FSHR: variants seen among roughly 807,000 people sequenced by gnomAD.
FSHR encodes the protein follicle stimulating hormone receptor.
A neutral mutation model predicts 52.1 loss-of-function variants in FSHR; 46 were observed. The ratio of observed to expected loss-of-function variants is 0.88; its 90% confidence interval spans 0.70 to 1.13. The LOEUF (loss-of-function observed/expected upper bound fraction) is 1.13, where lower values mean the gene tolerates loss of function less well. FSHR is among the 50% of genes most tolerant of loss of function. The pLI, the probability that FSHR is intolerant of heterozygous loss-of-function variation, is 0.00. For missense variants in FSHR, 964 were observed against 834.6 expected (o/e 1.16, Z -1.91); for synonymous variants, 399 against 309.6 (o/e 1.29, Z -3.03).
intron 1 of FSHR, among the ~76,000 whole-genome samples, chr2:49,125,105 T>C (rs140155730): frequency 1.3e-5 from 2 of 152,300 alleles, no homozygotes; most frequent in African/African-American, 2.4e-5. Context: ...CTTTACTCAA[T>C]TGGTTCTTTT....
intron 4 of FSHR, among the ~76,000 whole-genome samples, chr2:49,014,294 C>T (rs1402295546): frequency 6.6e-6 from 1 of 152,122 alleles, no homozygotes; most frequent in African/African-American, 2.4e-5. Context: ...CAATAATCTT[C>T]TCTCAGAAAA....
At chr2:49,105,409 G>C (rs1478633552) in intron 1 of FSHR, among the ~76,000 whole-genome samples, 1 of 152,112 alleles carries the variant, frequency 6.6e-6, no homozygotes, top group Non-Finnish European at 1.5e-5. Context: ...TCAAGGGCAA[G>C]GTGAGGGTTC....
At chr2:49,030,271 A>AGTGTGTGT (rs141079184) in intron 2 of FSHR, among the ~76,000 whole-genome samples, 3,737 of 140,376 alleles carry the variant, frequency 0.027, 67 homozygotes, top group Non-Finnish European at 0.035. Flanking sequence ...AGGAATAGCA[A>AGTGTGTGT]GTGTGTGTGT....
intron 1 of FSHR, among the ~76,000 whole-genome samples, chr2:49,093,396 T>A (rs1276214906): frequency 6.6e-6 from 1 of 152,190 alleles, no homozygotes. Flanking sequence ...CATACACATT[T>A]AAATCATTGT....
intron 4 of FSHR, among the ~76,000 whole-genome samples, chr2:49,006,730 G>C (rs2104166214): frequency 6.6e-6 from 1 of 152,140 alleles, no homozygotes; most frequent in Admixed American, 6.6e-5. Context: ...TATTTCCAGG[G>C]GTTAACGTTT....
chr2:49,035,125 A>G (rs376474098), intron 2 of FSHR, among the ~76,000 whole-genome samples: 2 of 152,184 alleles, frequency 1.3e-5, no homozygotes, highest in Non-Finnish European at 2.9e-5. Context: ...TATACTTTAT[A>G]TAAAGCATTG....
chr2:48,999,382 A>G (rs986777820), intron 4 of FSHR, among the ~76,000 whole-genome samples: 4 of 152,106 alleles, frequency 2.6e-5, no homozygotes, highest in Admixed American at 2.6e-4. Context: ...AAGCACAGCT[A>G]GAGGTTGAAT....
rs564293787 is a variant in FSHR, at chr2:49,060,646, G to A, written c.224+7573C>T. ...CAGCTGCATATTCCAAGGCTGAGCT[G>A]TTATAGTATCCTGCCGCCCAGGCAA... On this transcript the variant is annotated intron_variant, in intron 2 of 9. Transcript: ENST00000406846. 7.2e-5 allele frequency among the ~76,000 whole-genome samples: 11 copies of A among 152,268 alleles called. No individual in the cohort carries two copies. The South Asian group carries it at 1.5e-3, about 20-fold the overall frequency.
At position 48,970,806 on chromosome 2, in the gene FSHR, G is replaced by C. The variant is rs546889250; in HGVS notation, c.669-1923C>G. On this transcript the variant is annotated intron_variant, in intron 8 of 9. Coordinates refer to ENST00000406846, the MANE Select transcript of FSHR (RefSeq NM_000145.4). ...CCTTGTTTTTTCCATCTCAGCAAAT[G>C]ACTCTTCCAGTTTCCCCTGTTTTTC... Among the ~76,000 whole-genome samples the C allele has an allele frequency of 3.6e-4, 55 of 152,206 alleles. No homozygotes were observed. The South Asian group carries it at 0.011, about 30-fold the overall frequency.
At chr2:49,081,472 T>G (rs565020997) in intron 1 of FSHR, among the ~76,000 whole-genome samples, 1 of 152,210 alleles carries the variant, frequency 6.6e-6, no homozygotes, top group South Asian at 2.1e-4. Flanking sequence ...ATAATTAATT[T>G]TCAAGATTGA....
intron 1 of FSHR, among the ~76,000 whole-genome samples, chr2:49,106,880 G>C (rs1256213044): frequency 6.6e-6 from 1 of 152,134 alleles, no homozygotes; most frequent in Non-Finnish European, 1.5e-5. Flanking sequence ...GCTCTGTGGG[G>C]TCTGGAGCAG....
chr2:48,972,679 T>G (rs1328940713), intron 8 of FSHR, among the ~76,000 whole-genome samples: 1 of 152,184 alleles, frequency 6.6e-6, no homozygotes, highest in African/African-American at 2.4e-5. Flanking sequence ...CAACTCCCTG[T>G]TTTGTCTATA....
chr2:49,057,187 T>C (rs899110814), intron 2 of FSHR, among the ~76,000 whole-genome samples: 1 of 151,674 alleles, frequency 6.6e-6, no homozygotes. Context: ...TAAATGAAAT[T>C]AACACTAAAA....
chr2:49,019,211 GT>G (rs1244267214), intron 3 of FSHR, among the ~76,000 whole-genome samples: 1 of 152,132 alleles, frequency 6.6e-6, no homozygotes, highest in Admixed American at 6.6e-5. Flanking sequence ...ACTCTGAAAA[GT>G]TTTCCTATAA....
At position 49,127,751 on chromosome 2, in the gene FSHR, T is replaced by C. The variant is rs200043806; in HGVS notation, c.152+26515A>G. Among the ~76,000 whole-genome samples the C allele has an allele frequency of 6.1e-4, 47 of 77,566 alleles. 4 individuals carry two copies. Among genetic ancestry groups the C allele is most frequent in the African/African-American group, 1.5e-3 (26 of 16,950 alleles). 50.9% of individuals were successfully genotyped at this position (77,566 alleles called of 152,430 possible). On this transcript the variant is annotated intron_variant, in intron 1 of 9. Coordinates refer to ENST00000406846, the MANE Select transcript of FSHR (RefSeq NM_000145.4). ...ATTTGTGCATGATTTCTTCTTCTTC[T>C]TTCTTCTTCTTCTTCTTCTTCTTCT...
At chr2:49,126,508 C>T (rs1288007415) in intron 1 of FSHR, among the ~76,000 whole-genome samples, 3 of 152,142 alleles carry the variant, frequency 2.0e-5, no homozygotes, top group Non-Finnish European at 4.4e-5. Flanking sequence ...AAGTTTCCAA[C>T]ACATAAACTT....
chr2:48,969,448 C>T (rs1674633003), intron 8 of FSHR, among the ~76,000 whole-genome samples: 1 of 152,174 alleles, frequency 6.6e-6, no homozygotes, highest in African/African-American at 2.4e-5. Context: ...TACAGCAGAC[C>T]TGCCTGCATA....
At chr2:49,038,626 A>AAATAAT (rs56326531) in intron 2 of FSHR, among the ~76,000 whole-genome samples, 2,902 of 70,546 alleles carry the variant, frequency 0.041, 118 homozygotes, top group Non-Finnish European at 0.042. Flanking sequence ...CTCTGTCTCA[A>AAATAAT]AATAATAATA....
chr2:48,988,855 A>G lies in FSHR; in HGVS notation c.524+122T>C, dbSNP rs1445521382. ...ATGAGAGAGGAACGCAGAACTGGAG[A>G]GTGATTTAAGTGGAGAAATGCCAAA... is the stretch of plus-strand genomic sequence containing the variant. On this transcript the variant is annotated intron_variant, in intron 6 of 9. Transcript: ENST00000406846. 5.3e-6 allele frequency: 4 copies of G among 749,798 alleles called. No individual in the cohort carries two copies. In the African/African-American group the frequency reaches 6.9e-5, roughly 13 times the overall value. The allele number at this position is 749,798 out of a possible 1,614,324, so 46.4% of individuals were successfully genotyped here.
Sources: allele counts gnomAD v4.1 joint callset (sites outside exome capture counted in the v4.1 genomes callset), GRCh38; gene constraint gnomAD v4.1.1; transcripts MANE v1.5; gene names NCBI Gene and HGNC (gene_info 2026-07-23, HGNC 2026-07-21).